The following GABRG3 variants were observed in gnomAD, a reference collection of about 807,000 sequenced individuals.
GABRG3 encodes gamma-aminobutyric acid type A receptor subunit gamma3.
GABRG3 carries 25 observed loss-of-function variants against 48.8 expected under a neutral mutation model. The observed-to-expected ratio is 0.51, with a 90% confidence interval of 0.37 to 0.72. The LOEUF (loss-of-function observed/expected upper bound fraction) is 0.72. Ranked by LOEUF, GABRG3 falls within the 30% of genes least tolerant of loss-of-function variation. The pLI, the probability that GABRG3 is intolerant of heterozygous loss-of-function variation, is 0.00. For missense variants in GABRG3, 394 were observed against 577.9 expected, an observed-to-expected ratio of 0.68 and a Z score of 3.26; for synonymous variants, 227 against 217.6, an observed-to-expected ratio of 1.04 and a Z score of -0.38.
intron 3 of GABRG3, among the ~76,000 whole-genome samples, chr15:27,081,875 T>G (rs151336248): frequency 0.018 from 2,769 of 152,316 alleles, 43 homozygotes; most frequent in Non-Finnish European, 0.026. Flanking sequence ...GGAGCTATAT[T>G]TCCTGGTGTG....
chr15:27,210,176 T>C (rs938693150), intron 3 of GABRG3, among the ~76,000 whole-genome samples: 7 of 152,028 alleles, frequency 4.6e-5, no homozygotes, highest in African/African-American at 1.4e-4. Flanking sequence ...CCTCCAAGGG[T>C]CGGGTGAATG....
intron 5 of GABRG3, among the ~76,000 whole-genome samples, chr15:27,418,387 A>G (rs1040259390): frequency 2.6e-5 from 4 of 152,200 alleles, no homozygotes; most frequent in Admixed American, 6.5e-5. Context: ...AGGCCTGGCC[A>G]CCCAGACTCT....
At position 27,532,989 on chromosome 15, in the gene GABRG3, T is replaced by A. The variant is rs1891465844; in HGVS notation, c.*108T>A. On this transcript the variant is annotated 3_prime_UTR_variant, in exon 10 of 10. Transcript: ENST00000615808. ...AGTAGCAAGGAAGGACACTGCCCAG[T>A]GTATCTTGTTATAAATGACCTTTCA... 1 of 1,023,522 alleles carries A rather than the reference T, an allele frequency of 9.8e-7. No homozygotes were observed. Among genetic ancestry groups the A allele is most frequent in the Non-Finnish European group, 1.4e-6 (1 of 710,956 alleles). 63.4% of individuals were successfully genotyped at this position (1,023,522 alleles called of 1,614,324 possible). A position where few individuals can be genotyped will look rare whatever the true frequency, so the allele number is the denominator to read the frequency against.
intron 5 of GABRG3, among the ~76,000 whole-genome samples, chr15:27,367,489 G>T (rs1272102042): frequency 6.6e-6 from 1 of 152,070 alleles, no homozygotes; most frequent in Non-Finnish European, 1.5e-5. Flanking sequence ...TTTCCTAAAA[G>T]GTGTTTTATA....
chr15:27,018,565 G>C (rs1895821468), intron 2 of GABRG3, among the ~76,000 whole-genome samples: 1 of 152,042 alleles, frequency 6.6e-6, no homozygotes, highest in Admixed American at 6.5e-5. Flanking sequence ...ATATTTAAAG[G>C]GTGTTTGGGA....
At position 26,994,170 on chromosome 15, in the gene GABRG3, T is replaced by C. The variant is rs1895296688; in HGVS notation, c.202+17020T>C. Among the ~76,000 whole-genome samples, 3 of 152,118 alleles carry C rather than the reference T, an allele frequency of 2.0e-5. 1 individual carries two copies. The highest frequency in any genetic ancestry group is 1.5e-5 in the Non-Finnish European group (1 of 67,906). ...TTTCCCATCCATTCAGCCCTCCATG[T>C]CTTTTGATTGGAAAGTTTAGTCCAT... On this transcript the variant is annotated intron_variant, in intron 2 of 9. Transcript: ENST00000615808.
At chr15:27,092,821 A>G (rs1378166731) in intron 3 of GABRG3, among the ~76,000 whole-genome samples, 1 of 152,134 alleles carries the variant, frequency 6.6e-6, no homozygotes, top group African/African-American at 2.4e-5. Context: ...TCCATCAAAC[A>G]GCAGCTCTCT....
intron 5 of GABRG3, among the ~76,000 whole-genome samples, chr15:27,341,741 A>T (rs1177758022): frequency 6.6e-6 from 1 of 152,060 alleles, no homozygotes; most frequent in African/African-American, 2.4e-5. Flanking sequence ...TTACCCCATT[A>T]TTGTTGTTAT....
rs202072019 is a variant in GABRG3 at position 27,121,353 on chromosome 15, G to A, written c.270+94532G>A. Among the ~76,000 whole-genome samples, 14 of 152,288 alleles carry A rather than the reference G, an allele frequency of 9.2e-5. No individual in the cohort carries two copies. The East Asian group carries it at 2.3e-3, about 25-fold the overall frequency. ...TTGCCCTTGGAGAGTGCTCACATTC[G>A]TACCTAACAGCTTCAGAGATGAGAG... On this transcript the variant is annotated intron_variant, in intron 3 of 9. Transcript: ENST00000615808.
In GABRG3 at chr15:27,358,761, A is replaced by G. The variant is rs904400500; in HGVS notation, c.574+29873A>G. ...CAAACACACAGATCAAGCTCTTTCT[A>G]TGGGCTAAGTGGTGTGCCCCCGAAA... On this transcript the variant is annotated intron_variant, in intron 5 of 9. Coordinates refer to ENST00000615808, the MANE Select transcript of GABRG3 (RefSeq NM_033223.5). 4.6e-5 allele frequency among the ~76,000 whole-genome samples: 7 copies of G among 152,334 alleles called. No homozygotes were observed. In the East Asian group the frequency reaches 7.7e-4, roughly 17 times the overall value.
At chr15:27,000,629 C>T (rs191575708) in intron 2 of GABRG3, among the ~76,000 whole-genome samples, 2 of 152,098 alleles carry the variant, frequency 1.3e-5, no homozygotes, top group African/African-American at 2.4e-5. Flanking sequence ...CAGTGTGTAT[C>T]GCCTCCCCCC....
At chr15:27,341,511 T>C (rs1190713638) in intron 5 of GABRG3, among the ~76,000 whole-genome samples, 1 of 152,190 alleles carries the variant, frequency 6.6e-6, no homozygotes, top group Non-Finnish European at 1.5e-5. Flanking sequence ...CACACTTCCG[T>C]AGGTACATTC....
Position 27,025,563 on chromosome 15 carries a change from G to A in GABRG3, c.203-1191G>A, listed in dbSNP as rs139391698. Among the ~76,000 whole-genome samples, 381 of 152,316 alleles carry A rather than the reference G, an allele frequency of 2.5e-3. 1 individual carries two copies. The highest frequency in any genetic ancestry group is 0.015 in the East Asian group (76 of 5,182). ...ACGTGACTTGGCTGTACTGACAGACGTTGTAGGAGTTGGTTCAAAGTCATT... is the reference window on the plus strand; with the variant it reads ...ACGTGACTTGGCTGTACTGACAGACATTGTAGGAGTTGGTTCAAAGTCATT... On this transcript the variant is annotated intron_variant, in intron 2 of 9. Coordinates refer to ENST00000615808, the MANE Select transcript of GABRG3 (RefSeq NM_033223.5).
At chr15:27,257,807 C>T (rs913676081) in intron 3 of GABRG3, among the ~76,000 whole-genome samples, 3 of 147,920 alleles carry the variant, frequency 2.0e-5, no homozygotes, top group Non-Finnish European at 2.9e-5. Context: ...CACCACCACA[C>T]GTGGCTATTT....
At chr15:26,991,302 A>T (rs1365161925) in intron 2 of GABRG3, among the ~76,000 whole-genome samples, 3 of 151,938 alleles carry the variant, frequency 2.0e-5, no homozygotes, top group Non-Finnish European at 2.9e-5. Flanking sequence ...TGCCACTGCC[A>T]TGCTGTTTTT....
In GABRG3 at chr15:27,308,476, CAT is replaced by C. The variant is rs199629585; in HGVS notation, c.271-18329_271-18328del. ...GCAAACATACATGTTTATATATAAA[CAT>C]ATAATGTAAACATACATGTTTTATA... On this transcript the variant is annotated intron_variant, in intron 3 of 9. Transcript: ENST00000615808. Among the ~76,000 whole-genome samples, 1,010 of 146,370 alleles carry C rather than the reference CAT, an allele frequency of 6.9e-3. 14 individuals are homozygous for C. The highest frequency in any genetic ancestry group is 0.023 in the African/African-American group (947 of 40,434).
chr15:27,181,182 A>C (rs1235509707), intron 3 of GABRG3, among the ~76,000 whole-genome samples: 5 of 152,190 alleles, frequency 3.3e-5, no homozygotes, highest in African/African-American at 1.2e-4. Flanking sequence ...GGGAAGGACC[A>C]ATGCTAGCTG....
At chr15:27,262,796 C>A (rs1890804983) in intron 3 of GABRG3, among the ~76,000 whole-genome samples, 1 of 152,322 alleles carries the variant, frequency 6.6e-6, no homozygotes, top group East Asian at 1.9e-4. Context: ...TGCTTAGTGC[C>A]ACTTTCCGCA....
intron 3 of GABRG3, among the ~76,000 whole-genome samples, chr15:27,253,207 A>G (rs1312340719): frequency 1.3e-5 from 2 of 152,202 alleles, no homozygotes; most frequent in African/African-American, 4.8e-5. Flanking sequence ...CAAAGGCTGG[A>G]CGCATCAAAT....
Sources: gnomAD v4.1 joint callset for allele counts (sites outside exome capture counted in the v4.1 genomes callset) on GRCh38, gnomAD v4.1.1 for gene constraint, MANE v1.5 for transcripts, NCBI Gene and HGNC (gene_info 2026-07-23, HGNC 2026-07-21) for gene names.